Variants in CSF1R observed in about 807,000 individuals in gnomAD.
CSF1R encodes the protein macrophage colony-stimulating factor 1 receptor.
In CSF1R, 40 loss-of-function variants were observed where a neutral mutation model predicts 110.0. The observed-to-expected ratio is 0.36, with a 90% confidence interval of 0.28 to 0.47. CSF1R has a LOEUF of 0.47. CSF1R is among the 20% of genes least tolerant of loss of function. The pLI, the probability that CSF1R is intolerant of heterozygous loss-of-function variation, is 0.99. For synonymous variants in CSF1R, 523 were observed against 503.4 expected (o/e 1.04, Z -0.52); for missense variants, 1,052 against 1,253.0 (o/e 0.84, Z 2.42).
intron 9 of CSF1R, 43 bp from the exon 10 acceptor site, chr5:150,068,373 C>T: frequency 6.8e-6 from 10 of 1,469,790 alleles, no homozygotes; most frequent in Non-Finnish European, 8.5e-6. Context: ...AGGGGTGCCT[C>T]CGAGCCCCCT....
chr5:150,095,264 C>A (rs907803557), intron 1 of CSF1R, among the ~76,000 whole-genome samples: 2 of 152,006 alleles, frequency 1.3e-5, no homozygotes. Context: ...TTATAGAAAA[C>A]CTGAATAAAA....
intron 1 of CSF1R, among the ~76,000 whole-genome samples, chr5:150,083,722 A>C (rs1758671928): frequency 6.6e-6 from 1 of 152,190 alleles, no homozygotes; most frequent in South Asian, 2.1e-4. Flanking sequence ...TGAGTCATGC[A>C]AGAAGCTGCC....
In CSF1R at chr5:150,080,889, G is replaced by C. The variant is rs765380617; in HGVS notation, c.185C>G (p.Ser62Cys). 1 of 1,614,206 alleles carries C rather than the reference G, an allele frequency of 6.2e-7. No homozygotes were observed. Reference sequence around the variant, plus strand: ...GCTGAGGATGCTGCTGGAGCCATCAGAGTACAGGGTCCAGTGAGGTGATGG... The same window carrying C: ...GCTGAGGATGCTGCTGGAGCCATCACAGTACAGGGTCCAGTGAGGTGATGG... Reference protein sequence around the residue: ...GPPSPHWTLYSDGSSSILSTN... With the variant: ...GPPSPHWTLYCDGSSSILSTN... Residue 62 changes from serine to cysteine, a missense_variant, in exon 2 of 21, where the codon TCT becomes TGT. Physicochemically the swap from Ser to Cys is moderately radical, Grantham distance 112. This residue lies in a region of CSF1R where 693 missense variants were observed against 735.4 expected (regional missense o/e 0.94). Coordinates refer to ENST00000675795, the MANE Select transcript of CSF1R (RefSeq NM_001288705.3).
intron 10 of CSF1R, among the ~76,000 whole-genome samples, chr5:150,066,556 A>C (rs2237087): frequency 0.46 from 70,494 of 152,042 alleles, 17,249 homozygotes; most frequent in Non-Finnish European, 0.52. Flanking sequence ...GTTACATGGC[A>C]AAACAGTGTC....
chr5:150,084,297 C>T (rs999427250), intron 1 of CSF1R, among the ~76,000 whole-genome samples: 1 of 148,732 alleles, frequency 6.7e-6, no homozygotes, highest in African/African-American at 2.5e-5. Flanking sequence ...TGCCATTGCA[C>T]TCCAGCCTGG....
upstream of CSF1R, among the ~76,000 whole-genome samples, chr5:150,091,386 A>G (rs1382000171): frequency 6.6e-6 from 1 of 152,246 alleles, no homozygotes; most frequent in East Asian, 1.9e-4. Context: ...AACAGTTGAC[A>G]GCTAAACAAA....
intron 19 of CSF1R, among the ~76,000 whole-genome samples, 175 bp downstream of exon 19, chr5:150,055,062 G>C (rs1299388660): frequency 6.6e-6 from 1 of 151,248 alleles, no homozygotes; most frequent in Non-Finnish European, 1.5e-5. Flanking sequence ...CTGCTTCTCT[G>C]AGAACATCCC....
intron 1 of CSF1R, among the ~76,000 whole-genome samples, chr5:150,091,761 T>G (rs2113852540): frequency 6.6e-6 from 1 of 151,248 alleles, no homozygotes; most frequent in East Asian, 1.9e-4. Flanking sequence ...TTTTATGTTA[T>G]GTGAATTTTA....
upstream of CSF1R, among the ~76,000 whole-genome samples, chr5:150,086,991 T>A (rs773458631): frequency 6.6e-6 from 1 of 152,232 alleles, no homozygotes; most frequent in Non-Finnish European, 1.5e-5. Flanking sequence ...ATTATTATTA[T>A]TTTAGAGACG....
rs552224569 is a variant in CSF1R at position 150,073,140 on chromosome 5, T to C, written c.1082+161A>G. Among the ~76,000 whole-genome samples, 174 of 152,242 alleles carry C rather than the reference T, an allele frequency of 1.1e-3. 3 individuals carry two copies. The highest frequency in any genetic ancestry group is 3.4e-3 in the Middle Eastern group (1 of 294). On this transcript the variant is annotated intron_variant, in intron 6 of 20. Transcript: ENST00000675795. ...AGATCTCAAACACAGATGACCAATA[T>C]TGGGATTCCATGAAGTCAGGGAAAG... is the stretch of plus-strand genomic sequence containing the variant.
At chr5:150,063,928 C>T (rs1321053012) in intron 10 of CSF1R, among the ~76,000 whole-genome samples, 5 of 152,244 alleles carry the variant, frequency 3.3e-5, no homozygotes, top group Admixed American at 6.5e-5. Context: ...AAGTGTGGAC[C>T]GGTGCTAGGG....
intron 1 of CSF1R, among the ~76,000 whole-genome samples, chr5:150,110,240 G>A (rs894142145): frequency 1.3e-5 from 2 of 151,938 alleles, no homozygotes; most frequent in African/African-American, 4.8e-5. Context: ...TAGACTATGC[G>A]GTCCAACCCT....
intron 5 of CSF1R, among the ~76,000 whole-genome samples, chr5:150,074,325 T>TTTTG (rs1554103234): frequency 3.4e-5 from 5 of 149,148 alleles, no homozygotes; most frequent in Admixed American, 6.6e-5. Flanking sequence ...TTTTTTTTTT[T>TTTTG]GAAACAGAGT....
chr5:150,078,893 C>T (rs1758403209), intron 3 of CSF1R, among the ~76,000 whole-genome samples: 1 of 152,216 alleles, frequency 6.6e-6, no homozygotes, highest in Non-Finnish European at 1.5e-5. Context: ...CTCCCCAGCA[C>T]CTCCATGCCC....
intron 1 of CSF1R, among the ~76,000 whole-genome samples, chr5:150,112,513 C>G (rs1759752488): frequency 1.3e-5 from 2 of 152,262 alleles, no homozygotes; most frequent in African/African-American, 4.8e-5. Flanking sequence ...GCCTGAGACA[C>G]AGGGAGCTGA....
Position 150,080,221 on chromosome 5 carries a change from C to A in CSF1R, c.423G>T (p.Val141=). The change falls in exon 3 of 21, where the codon GTG becomes GTT. Residue 141 remains valine, a synonymous_variant. Transcript: ENST00000675795. ...DPVLEAGVSL[V]RVRGRPLMRH... ...GCATGAGGGGCCGGCCACGCACACG[C>A]ACCAGCGAGACGCCTGCTTCCAGCA... 6.2e-7 allele frequency: 1 copy of A among 1,613,888 alleles called. No individual in the cohort carries two copies. Among genetic ancestry groups the A allele is most frequent in the Non-Finnish European group, 8.5e-7 (1 of 1,180,044 alleles).
intron 1 of CSF1R, among the ~76,000 whole-genome samples, chr5:150,091,739 G>A (rs1759045873): frequency 6.6e-6 from 1 of 150,996 alleles, no homozygotes; most frequent in African/African-American, 2.4e-5. Context: ...CCTTAAAATG[G>A]TTAATGTTTA....
chr5:150,101,663 T>C (rs1179151765), intron 1 of CSF1R, among the ~76,000 whole-genome samples: 1 of 147,858 alleles, frequency 6.8e-6, no homozygotes, highest in Non-Finnish European at 1.5e-5. Context: ...TTGCCTTCTT[T>C]TTTTTTTTTT....
Position 150,053,946 on chromosome 5 carries a change from C to G in CSF1R, c.*123G>C. The G allele has an allele frequency of 1.0e-6, 1 of 997,068 alleles. No individual in the cohort carries two copies. Among genetic ancestry groups the G allele is most frequent in the Non-Finnish European group, 1.5e-6 (1 of 665,504 alleles). 61.8% of individuals were successfully genotyped at this position (997,068 alleles called of 1,614,324 possible). On this transcript the variant is annotated 3_prime_UTR_variant, in exon 21 of 21. Coordinates refer to ENST00000675795, the MANE Select transcript of CSF1R (RefSeq NM_001288705.3). ...TCCCTCACCTTCCCAAGTTTCAGAG[C>G]TGGGCCGAGCTGTTGAGTGAAATGA...
Sources: allele counts gnomAD v4.1 joint callset (sites outside exome capture counted in the v4.1 genomes callset), GRCh38; gene constraint gnomAD v4.1.1; regional missense constraint gnomAD v4.1.1; transcripts MANE v1.5; gene names NCBI Gene and HGNC (gene_info 2026-07-23, HGNC 2026-07-21).